The following CELF2 variants were observed in gnomAD, a reference collection of about 807,000 sequenced individuals.
The protein encoded by CELF2 is CUGBP Elav-like family member 2.
CELF2 carries 8 observed loss-of-function variants against 62.6 expected under a neutral mutation model. That is an observed-to-expected ratio of 0.13 (90% CI 0.07 to 0.23). CELF2 has a LOEUF of 0.23. Among genes scored for constraint, CELF2 ranks in the 10% least tolerant of loss-of-function variants. CELF2 has a pLI of 1.00. For missense variants in CELF2, 333 were observed against 671.0 expected (o/e 0.50, Z 5.56); for synonymous variants, 258 against 250.0 (o/e 1.03, Z -0.30).
chr10:10,491,998 T>C, the CELF2 span, among the ~76,000 whole-genome samples: 1 of 152,124 alleles, frequency 6.6e-6, no homozygotes, highest in Non-Finnish European at 1.5e-5. Context: ...TTACCCCTCT[T>C]CCTCCCGTCC....
the CELF2 span, among the ~76,000 whole-genome samples, chr10:10,635,411 A>C: frequency 6.6e-6 from 1 of 152,166 alleles, no homozygotes; most frequent in African/African-American, 2.4e-5. Flanking sequence ...CAGTTTATCA[A>C]TTATTTTTCT....
intron 9 of CELF2, among the ~76,000 whole-genome samples, chr10:11,289,003 C>T (rs987471091): frequency 6.6e-6 from 1 of 152,210 alleles, no homozygotes; most frequent in Non-Finnish European, 1.5e-5. Context: ...TTAAAATCCA[C>T]GGTCCAGTAA....
Position 11,070,759 on chromosome 10 carries a change from G to A in CELF2, c.74+52596G>A, listed in dbSNP as rs1340184124. Among the ~76,000 whole-genome samples the A allele has an allele frequency of 3.3e-5, 5 of 152,184 alleles. No individual in the cohort carries two copies. The East Asian group carries it at 9.6e-4, about 29-fold the overall frequency. On this transcript the variant is annotated intron_variant, in intron 1 of 12. Coordinates refer to ENST00000633077, the MANE Select transcript of CELF2 (RefSeq NM_001326342.2). ...GTGGCATGGGAGAAAACATGATACT[G>A]TGTGAAGGAAGACAGAGGAGGTGAA...
chr10:11,182,579 G>T (rs1383268187), intron 2 of CELF2, among the ~76,000 whole-genome samples: 1 of 152,084 alleles, frequency 6.6e-6, no homozygotes, highest in Non-Finnish European at 1.5e-5. Flanking sequence ...TTTATTTTTG[G>T]GGATCAGAGA....
chr10:11,063,304 A>G (rs1386431635), intron 1 of CELF2, among the ~76,000 whole-genome samples: 3 of 152,204 alleles, frequency 2.0e-5, no homozygotes, highest in African/African-American at 4.8e-5. Context: ...TTTATTCCCC[A>G]TTTGATATCT....
rs778581930 is a variant in CELF2, at chr10:11,191,942, A to G, written c.272-25483A>G. On this transcript the variant is annotated intron_variant, in intron 2 of 12. Transcript: ENST00000633077. The surrounding 1 kb of genome is among the most constrained non-coding windows in gnomAD (Gnocchi z 4.1). ...CACTCTACTTCTTAGGAACCTGGCA[A>G]CCCCAGGGAATTTTCCTGACAAGTC... Among the ~76,000 whole-genome samples the G allele has an allele frequency of 6.6e-6, 1 of 152,010 alleles. No homozygotes were observed. The highest frequency in any genetic ancestry group is 1.5e-5 in the Non-Finnish European group (1 of 67,990).
chr10:10,767,395 G>A, the CELF2 span, among the ~76,000 whole-genome samples: 6 of 152,122 alleles, frequency 3.9e-5, no homozygotes, highest in Non-Finnish European at 7.4e-5. Context: ...GACATCCTGA[G>A]GGTATGTTTT....
chr10:11,116,360 G>A (rs1411072596), intron 1 of CELF2, among the ~76,000 whole-genome samples: 1 of 152,210 alleles, frequency 6.6e-6, no homozygotes, highest in African/African-American at 2.4e-5. Flanking sequence ...ATCTGTGCAT[G>A]TTTACAAACT....
At chr10:10,798,917 A>G (rs1202551312) in intron 1 of CELF2, 4 of 398,030 alleles carry the variant, frequency 1.0e-5, no homozygotes, top group Non-Finnish European at 1.8e-5. Flanking sequence ...GTTGCTTGAA[A>G]TGCACCTTGT....
At chr10:10,979,508 G>A (rs1399894196) in intron 2 of CELF2, among the ~76,000 whole-genome samples, 1 of 151,616 alleles carries the variant, frequency 6.6e-6, no homozygotes, top group Non-Finnish European at 1.5e-5. Flanking sequence ...CTGTCTCTAC[G>A]AAAAATATAA....
At chr10:11,028,718 C>CTT (rs71378776) in intron 1 of CELF2, among the ~76,000 whole-genome samples, 88 of 125,178 alleles carry the variant, frequency 7.0e-4, no homozygotes, top group African/African-American at 2.1e-3. Context: ...CGCACCCAGC[C>CTT]TTTTTTTTTT....
At chr10:11,150,935 TATC>T (rs2063219248) in intron 1 of CELF2, among the ~76,000 whole-genome samples, 2 of 152,238 alleles carry the variant, frequency 1.3e-5, no homozygotes, top group Admixed American at 6.5e-5. Flanking sequence ...AGTATAAAAA[TATC>T]AACAATGATT....
the CELF2 span, among the ~76,000 whole-genome samples, chr10:10,485,168 T>C: frequency 6.6e-6 from 1 of 152,174 alleles, no homozygotes; most frequent in Admixed American, 6.6e-5. Context: ...TTGCCTACCA[T>C]TTCTGATCAT....
the CELF2 span, among the ~76,000 whole-genome samples, chr10:10,674,831 ACTTGTGCC>A: frequency 1.3e-5 from 2 of 151,170 alleles, no homozygotes; most frequent in African/African-American, 4.9e-5. Flanking sequence ...TGAGTGTGCC[ACTTGTGCC>A]AGTGTGAATA....
chr10:10,793,060 G>C, the CELF2 span, among the ~76,000 whole-genome samples: 1 of 152,180 alleles, frequency 6.6e-6, no homozygotes, highest in Non-Finnish European at 1.5e-5. Context: ...CACATACGTG[G>C]ACCCCAAATA....
At chr10:10,854,526 A>G (rs1366886534) in intron 1 of CELF2, among the ~76,000 whole-genome samples, 2 of 152,194 alleles carry the variant, frequency 1.3e-5, no homozygotes, top group Non-Finnish European at 2.9e-5. Flanking sequence ...CCGGGATCCA[A>G]AAATAATTAT....
chr10:10,693,516 C>T, the CELF2 span, among the ~76,000 whole-genome samples: 1 of 151,766 alleles, frequency 6.6e-6, no homozygotes, highest in African/African-American at 2.4e-5. Flanking sequence ...CAGAATGATG[C>T]TGGCCTCATA....
intron 2 of CELF2, among the ~76,000 whole-genome samples, chr10:11,194,886 C>A (rs2057021837): frequency 6.6e-6 from 1 of 152,188 alleles, no homozygotes; most frequent in Non-Finnish European, 1.5e-5. Context: ...TTACAAAAAT[C>A]CCGATGCGTC....
chr10:11,093,950 A>G (rs1262230001), intron 1 of CELF2, among the ~76,000 whole-genome samples: 3 of 152,226 alleles, frequency 2.0e-5, no homozygotes, highest in Non-Finnish European at 2.9e-5. Flanking sequence ...GACAATTAGT[A>G]GCCACTTAAC....
Sources: gnomAD v4.1 joint callset for allele counts (sites outside exome capture counted in the v4.1 genomes callset) on GRCh38, gnomAD v4.1.1 for gene constraint, Gnocchi (gnomAD v3.1) non-coding constraint, MANE v1.5 for transcripts, NCBI Gene and HGNC (gene_info 2026-07-23, HGNC 2026-07-21) for gene names.